UGT1A7: variants seen among roughly 807,000 people sequenced by gnomAD.
UGT1A7 encodes UDP glucuronosyltransferase family 1 member A7, also known as UDP-glucuronosyltransferase 1A7.
A neutral mutation model predicts 45.6 loss-of-function variants in UGT1A7; 33 were observed. That is an observed-to-expected ratio of 0.72 (90% CI 0.55 to 0.97). The LOEUF is 0.97. Ranked by LOEUF, UGT1A7 falls within the 50% of genes least tolerant of loss-of-function variation. UGT1A7 has a pLI of 0.00. For synonymous variants in UGT1A7, 274 were observed against 250.6 expected, an observed-to-expected ratio of 1.09 and a Z score of -0.88; for missense variants, 684 against 666.2, an observed-to-expected ratio of 1.03 and a Z score of -0.29.
In UGT1A7 at chr2:233,729,406, C is replaced by T. The variant is rs761312102; in HGVS notation, c.856-37628C>T. 2.5e-6 allele frequency: 4 copies of T among 1,613,662 alleles called. No individual in the cohort carries two copies. The East Asian group carries it at 6.7e-5, about 27-fold the overall frequency. ...CCAGGATGAATTTGATCGCCATGTG[C>T]TGGGCCACACTCAACTGTACTTTGA... On this transcript the variant is annotated intron_variant, in intron 1 of 4. Coordinates refer to ENST00000373426, the MANE Select transcript of UGT1A7 (RefSeq NM_019077.3).
intron 1 of UGT1A7, among the ~76,000 whole-genome samples, chr2:233,757,184 G>A (rs1386483916): frequency 6.6e-6 from 1 of 151,202 alleles, no homozygotes; most frequent in Non-Finnish European, 1.5e-5. Context: ...CAAGGCAGAG[G>A]ACTCTGAATT....
At chr2:233,692,391 G>A (rs931461847) in intron 1 of UGT1A7, 4 of 155,450 alleles carry the variant, frequency 2.6e-5, no homozygotes, top group Non-Finnish European at 4.3e-5. Context: ...CAAGAAAGAG[G>A]GTGTGTGAAC....
chr2:233,720,901 A>G (rs1393061406), intron 1 of UGT1A7, among the ~76,000 whole-genome samples: 5 of 132,048 alleles, frequency 3.8e-5, no homozygotes, highest in Admixed American at 7.7e-5. Flanking sequence ...AGTAGAGATG[A>G]GGTTTCGCAA....
intron 1 of UGT1A7, among the ~76,000 whole-genome samples, chr2:233,722,899 G>A (rs1015320069): frequency 7.8e-6 from 1 of 128,092 alleles, no homozygotes; most frequent in Non-Finnish European, 1.7e-5. Flanking sequence ...AGTGGAAGTG[G>A]ATCATCATAA....
intron 1 of UGT1A7, among the ~76,000 whole-genome samples, chr2:233,725,599 G>GT (rs1258851013): frequency 4.6e-5 from 7 of 152,142 alleles, no homozygotes; most frequent in East Asian, 3.9e-4. Context: ...ATTTGACATA[G>GT]TTTTTTCTTG....
At chr2:233,699,547 G>A (rs2075511993) in intron 1 of UGT1A7, among the ~76,000 whole-genome samples, 1 of 152,188 alleles carries the variant, frequency 6.6e-6, no homozygotes, top group African/African-American at 2.4e-5. Context: ...ACATCATAGA[G>A]CCAGGTCATG....
At chr2:233,766,896 A>G (rs1384164988) in intron 1 of UGT1A7, 138 bp from the exon 2 acceptor site, 7 of 1,480,032 alleles carry the variant, frequency 4.7e-6, no homozygotes, top group Non-Finnish European at 6.2e-6. Context: ...TTACATATTA[A>G]TAATTTTTTA....
chr2:233,767,996 A>AG (rs1699544638), intron 3 of UGT1A7, 60 bp downstream of exon 3: 2 of 1,614,194 alleles, frequency 1.2e-6, no homozygotes, highest in Non-Finnish European at 1.7e-6. Flanking sequence ...AAATGGCTTA[A>AG]GCACAGCTAT....
intron 1 of UGT1A7, among the ~76,000 whole-genome samples, chr2:233,690,256 C>T (rs1001028460): frequency 3.3e-5 from 5 of 152,190 alleles, no homozygotes; most frequent in Non-Finnish European, 7.3e-5. Flanking sequence ...TTTTAAGTCT[C>T]AAACATTTTG....
At chr2:233,694,775 G>A (rs2075240400) in intron 1 of UGT1A7, among the ~76,000 whole-genome samples, 1 of 152,170 alleles carries the variant, frequency 6.6e-6, no homozygotes, top group Admixed American at 6.5e-5. Context: ...CAAGGGTGAG[G>A]GGATGGGGAT....
chr2:233,713,783 T>C (rs2012734), intron 1 of UGT1A7: 779,630 of 1,588,962 alleles, frequency 0.49, 199,785 homozygotes, highest in African/African-American at 0.75. Context: ...TTGTGATGGA[T>C]TACCCCAGGC....
rs771015573 is a variant in UGT1A7 at position 233,755,062 on chromosome 2, C to T, written c.856-11972C>T. On this transcript the variant is annotated intron_variant, in intron 1 of 4. Coordinates refer to ENST00000373426, the MANE Select transcript of UGT1A7 (RefSeq NM_019077.3). ...GCGCAGCCGCCCTCCGCCCTCGCCT[C>T]GCCATAGCGGTCATAGATATCGCGT... 7 of 1,335,332 alleles carry T rather than the reference C, an allele frequency of 5.2e-6. No individual in the cohort carries two copies. In the African/African-American group the frequency reaches 6.0e-5, roughly 11 times the overall value. 82.7% of individuals were successfully genotyped at this position (1,335,332 alleles called of 1,614,324 possible). A position where few individuals can be genotyped will look rare whatever the true frequency, so the allele number is the denominator to read the frequency against.
intron 1 of UGT1A7, chr2:233,693,273 G>T: frequency 6.2e-7 from 1 of 1,614,074 alleles, no homozygotes; most frequent in Non-Finnish European, 8.5e-7. Context: ...CTGAAGAACC[G>T]TTACCAATCA....
intron 1 of UGT1A7, among the ~76,000 whole-genome samples, chr2:233,710,341 A>G (rs553386954): frequency 8.9e-4 from 135 of 152,236 alleles, no homozygotes; most frequent in Non-Finnish European, 1.7e-3. Flanking sequence ...AAACAGTCGA[A>G]CTGTTTCCAA....
chr2:233,725,909 C>T (rs2077482916), intron 1 of UGT1A7, among the ~76,000 whole-genome samples: 1 of 152,102 alleles, frequency 6.6e-6, no homozygotes, highest in Admixed American at 6.5e-5. Flanking sequence ...CTCACACCTG[C>T]AATTTCAGCC....
At chr2:233,717,777 A>G (rs1442623000) in intron 1 of UGT1A7, 3 of 456,402 alleles carry the variant, frequency 6.6e-6, no homozygotes, top group South Asian at 4.6e-5. Context: ...TTAATTCTCC[A>G]TTTTGAAATT....
Position 233,682,636 on chromosome 2 carries a change from A to C in UGT1A7, c.699A>C (p.Glu233Asp). ...AAAATGTCTTAGAAATAGCCTCTGA[A>C]ATTCTCCAAACCCCTGTCACGGCAT... ...FFKNVLEIAS[E>D]ILQTPVTAYD... The change falls in exon 1 of 5, where the codon GAA (glutamate) becomes GAC (aspartate). Residue 233 changes from glutamate (E) to aspartate (D), a missense_variant. Coordinates refer to ENST00000373426, the MANE Select transcript of UGT1A7 (RefSeq NM_019077.3). The C allele has an allele frequency of 6.2e-7, 1 of 1,613,894 alleles. No individual in the cohort carries two copies. Among genetic ancestry groups the C allele is most frequent in the Non-Finnish European group, 8.5e-7 (1 of 1,179,840 alleles).
chr2:233,767,912 T>A lies in UGT1A7; in HGVS notation c.1051T>A (p.Trp351Arg), dbSNP rs1559414817. The change falls in exon 3 of 5, where the codon TGG (tryptophan) becomes AGG (arginine). Residue 351 changes from tryptophan (W) to arginine (R), a missense_variant. Physicochemically the swap from Trp to Arg is moderately radical, Grantham distance 101. Coordinates refer to ENST00000373426, the MANE Select transcript of UGT1A7 (RefSeq NM_019077.3). ...TGCGAACAACACGATACTTGTTAAG[T>A]GGCTACCCCAAAACGATCTGCTTGG... is the stretch of plus-strand genomic sequence containing the variant. The part of the protein sequence containing the change: ...NLANNTILVK[W>R]LPQNDLLGHP... The A allele has an allele frequency of 2.5e-6, 4 of 1,614,202 alleles. No homozygotes were observed. Among genetic ancestry groups the A allele is most frequent in the Non-Finnish European group, 3.4e-6 (4 of 1,180,044 alleles).
rs181024490 is a variant in UGT1A7, at chr2:233,690,715, C to T, written c.855+7923C>T. ...TACTCTTTAGGGATCGTCATTATGA[C>T]GAACAGACATGCCAGATTCCTCTGG... On this transcript the variant is annotated intron_variant, in intron 1 of 4. Transcript: ENST00000373426. The T allele has an allele frequency of 2.7e-4, 328 of 1,218,932 alleles. 5 individuals are homozygous for T. The South Asian group carries it at 3.2e-3, about 12-fold the overall frequency. 75.5% of individuals were successfully genotyped at this position (1,218,932 alleles called of 1,614,324 possible). A position where few individuals can be genotyped will look rare whatever the true frequency, so the allele number is the denominator to read the frequency against.
Sources: allele counts gnomAD v4.1 joint callset (sites outside exome capture counted in the v4.1 genomes callset), GRCh38; gene constraint gnomAD v4.1.1; transcripts MANE v1.5; gene names NCBI Gene and HGNC (gene_info 2026-07-23, HGNC 2026-07-21).